KIF21A: variants seen among roughly 807,000 people sequenced by gnomAD.
KIF21A encodes kinesin family member 21A.
In KIF21A, 114 loss-of-function variants were observed where a neutral mutation model predicts 202.9. That is an observed-to-expected ratio of 0.56 (90% CI 0.48 to 0.66). The LOEUF is 0.66. Among genes scored for constraint, KIF21A ranks in the 30% least tolerant of loss-of-function variants. KIF21A has a pLI of 0.00. For synonymous variants in KIF21A, 667 were observed against 670.8 expected (o/e 0.99, Z 0.09); for missense variants, 1,677 against 1,994.9 (o/e 0.84, Z 3.04).
At chr12:39,432,020 C>A (rs979481231) in intron 1 of KIF21A, among the ~76,000 whole-genome samples, 2 of 152,182 alleles carry the variant, frequency 1.3e-5, no homozygotes, top group Admixed American at 1.3e-4. Flanking sequence ...CAGTTGCCAA[C>A]CTCCACTTTA....
chr12:39,358,950 ATT>A (rs1949000186), intron 7 of KIF21A, among the ~76,000 whole-genome samples: 1 of 152,200 alleles, frequency 6.6e-6, no homozygotes, highest in Non-Finnish European at 1.5e-5. Flanking sequence ...TGATAAATTG[ATT>A]TAGCCACCGA....
chr12:39,397,051 G>T (rs568387396), intron 1 of KIF21A, among the ~76,000 whole-genome samples: 1 of 152,096 alleles, frequency 6.6e-6, no homozygotes, highest in Admixed American at 6.6e-5. Flanking sequence ...GCCTGAGACC[G>T]ACTATTTATT....
chr12:39,400,028 C>T (rs1207663010), intron 1 of KIF21A, among the ~76,000 whole-genome samples: 5 of 152,100 alleles, frequency 3.3e-5, no homozygotes, highest in Non-Finnish European at 7.3e-5. Context: ...TGCATAACAT[C>T]GACACAAAGC....
intron 1 of KIF21A, among the ~76,000 whole-genome samples, chr12:39,398,459 G>C (rs1241064851): frequency 1.3e-5 from 2 of 152,064 alleles, no homozygotes; most frequent in Non-Finnish European, 2.9e-5. Context: ...AAATTAAACA[G>C]GCATAGTGGC....
At chr12:39,359,356 A>G (rs1271967541) in intron 7 of KIF21A, among the ~76,000 whole-genome samples, 2 of 152,082 alleles carry the variant, frequency 1.3e-5, no homozygotes, top group African/African-American at 4.8e-5. Context: ...CACCTTTTGG[A>G]TATCTCTTTT....
Position 39,370,147 on chromosome 12 carries a change from A to G in KIF21A, c.159T>C (p.Tyr53=), listed in dbSNP as rs1280771896. 2 of 1,613,452 alleles carry G rather than the reference A, an allele frequency of 1.2e-6. No homozygotes were observed. Among genetic ancestry groups the G allele is most frequent in the Admixed American group, 1.7e-5 (1 of 59,980 alleles). ...CTTGCTGGGAGTCAATGTCAAATAC[A>G]TAGTCAAAAGTAAAAGCCTTATCTT... The part of the protein sequence containing the change: ...LGKDKAFTFD[Y]VFDIDSQQEQ... The change falls in exon 2 of 38, where the codon TAT becomes TAC. Residue 53 remains tyrosine (Y), a synonymous_variant. Coordinates refer to ENST00000361418, the MANE Select transcript of KIF21A (RefSeq NM_001173464.2).
intron 7 of KIF21A, among the ~76,000 whole-genome samples, chr12:39,359,649 ATT>A: frequency 6.6e-6 from 1 of 152,192 alleles, no homozygotes. Context: ...ATGGATGCTG[ATT>A]AGAGAATAGA....
chr12:39,402,715 C>T (rs1483228118), intron 1 of KIF21A, among the ~76,000 whole-genome samples: 1 of 152,162 alleles, frequency 6.6e-6, no homozygotes, highest in Non-Finnish European at 1.5e-5. Context: ...AACACAAATT[C>T]ATAAACTTTC....
At chr12:39,427,244 T>TA (rs1355886743) in intron 1 of KIF21A, among the ~76,000 whole-genome samples, 3 of 152,232 alleles carry the variant, frequency 2.0e-5, no homozygotes, top group Non-Finnish European at 4.4e-5. Flanking sequence ...GGAAGTTACT[T>TA]ATTATCCTTA....
chr12:39,354,593 T>G (rs149860948), intron 10 of KIF21A, among the ~76,000 whole-genome samples: 127 of 152,322 alleles, frequency 8.3e-4, no homozygotes, highest in African/African-American at 2.8e-3. Context: ...GTAACTACTA[T>G]TCATTTACAA....
At chr12:39,364,558 T>C (rs1169144011) in intron 6 of KIF21A, among the ~76,000 whole-genome samples, 1 of 152,172 alleles carries the variant, frequency 6.6e-6, no homozygotes, top group East Asian at 1.9e-4. Flanking sequence ...TAATCAGGCT[T>C]GGTTGGTAAT....
At chr12:39,307,832 C>T (rs941722557) in intron 33 of KIF21A, 103 bp from the exon 34 acceptor site, 4 of 922,988 alleles carry the variant, frequency 4.3e-6, no homozygotes, top group Non-Finnish European at 6.9e-6. Flanking sequence ...ACAACAAGAA[C>T]AGTGTCCTTT....
At chr12:39,433,971 T>C (rs1306853195) in intron 1 of KIF21A, among the ~76,000 whole-genome samples, 4 of 152,210 alleles carry the variant, frequency 2.6e-5, no homozygotes, top group African/African-American at 4.8e-5. Flanking sequence ...AAGTTATAGG[T>C]TGTACATCAA....
intron 1 of KIF21A, among the ~76,000 whole-genome samples, chr12:39,378,951 T>C (rs1950435155): frequency 6.6e-6 from 1 of 152,034 alleles, no homozygotes; most frequent in Non-Finnish European, 1.5e-5. Context: ...AAAAAGTCAG[T>C]TCGGGGAAAA....
In KIF21A at chr12:39,316,531, G is replaced by T. The variant is rs1363509246; in HGVS notation, c.3909-561C>A. On this transcript the variant is annotated intron_variant, in intron 29 of 37. Coordinates refer to ENST00000361418, the MANE Select transcript of KIF21A (RefSeq NM_001173464.2). ...TAGGGAGCATCTGAGTAACAGCTGG[G>T]GTACTTTAGTGGGCTTTTAGAATGG... Among the ~76,000 whole-genome samples, 5 of 152,234 alleles carry T rather than the reference G, an allele frequency of 3.3e-5. No individual in the cohort carries two copies. The East Asian group carries it at 7.7e-4, about 24-fold the overall frequency.
intron 29 of KIF21A, among the ~76,000 whole-genome samples, chr12:39,316,433 A>G (rs1944553144): frequency 6.6e-6 from 1 of 152,172 alleles, no homozygotes; most frequent in Non-Finnish European, 1.5e-5. Context: ...GTGTTTTCAC[A>G]TAGAAAGCAA....
chr12:39,341,713 G>C, intron 13 of KIF21A, 91 bp from the exon 14 acceptor site: 5 of 1,366,642 alleles, frequency 3.7e-6, no homozygotes, highest in Non-Finnish European at 5.0e-6. Context: ...ACAAAGTACG[G>C]AAACATAAAA....
At chr12:39,343,499 C>A (rs940152877) in intron 12 of KIF21A, among the ~76,000 whole-genome samples, 5 of 152,040 alleles carry the variant, frequency 3.3e-5, no homozygotes, top group Non-Finnish European at 5.9e-5. Context: ...TAACAGCTAT[C>A]ATGTTTTCAT....
At chr12:39,400,617 G>A (rs1952098691) in intron 1 of KIF21A, among the ~76,000 whole-genome samples, 1 of 152,142 alleles carries the variant, frequency 6.6e-6, no homozygotes, top group African/African-American at 2.4e-5. Flanking sequence ...AGAAAATGTG[G>A]TACACATACA....
Sources: allele counts gnomAD v4.1 joint callset (sites outside exome capture counted in the v4.1 genomes callset), GRCh38; gene constraint gnomAD v4.1.1; transcripts MANE v1.5; gene names NCBI Gene and HGNC (gene_info 2026-07-23, HGNC 2026-07-21).